AKR1B15: variants seen among roughly 807,000 people sequenced by gnomAD.
The protein encoded by AKR1B15 is estradiol 17-beta-dehydrogenase AKR1B15.
In AKR1B15, 49 loss-of-function variants were observed where a neutral mutation model predicts 38.5. That is an observed-to-expected ratio of 1.27 (90% confidence interval 1.01 to 1.62). AKR1B15 has a LOEUF of 1.62. Among genes scored for constraint, AKR1B15 ranks in the 40% most tolerant of loss-of-function variants. The pLI is 0.00. For missense variants in AKR1B15, 411 were observed against 381.6 expected (o/e 1.08, Z -0.64); for synonymous variants, 137 against 135.5 (o/e 1.01, Z -0.08).
intron 2 of AKR1B15, among the ~76,000 whole-genome samples, chr7:134,563,294 G>A (rs543133988): frequency 6.6e-6 from 1 of 152,288 alleles, no homozygotes; most frequent in South Asian, 2.1e-4. Flanking sequence ...GATGTGGCCA[G>A]GCACAGCTCA....
chr7:134,553,538 G>A (rs1794069920), intron 1 of AKR1B15, among the ~76,000 whole-genome samples: 1 of 152,220 alleles, frequency 6.6e-6, no homozygotes, highest in Non-Finnish European at 1.5e-5. Context: ...GCCAGGTCCA[G>A]GAGGCTGATA....
chr7:134,572,867 C>T (rs1794694847), intron 6 of AKR1B15, among the ~76,000 whole-genome samples: 1 of 152,128 alleles, frequency 6.6e-6, no homozygotes, highest in Non-Finnish European at 1.5e-5. Flanking sequence ...ATCATGTTAT[C>T]TTGGCAGCTG....
chr7:134,559,262 T>C (rs1198383450), intron 2 of AKR1B15, among the ~76,000 whole-genome samples: 1 of 152,178 alleles, frequency 6.6e-6, no homozygotes, highest in Non-Finnish European at 1.5e-5. Flanking sequence ...TAAGTGTCTA[T>C]GTCTATACCA....
chr7:134,556,120 A>C (rs1794187325), intron 1 of AKR1B15, among the ~76,000 whole-genome samples: 1 of 152,198 alleles, frequency 6.6e-6, no homozygotes, highest in Non-Finnish European at 1.5e-5. Flanking sequence ...CATCCAGAAA[A>C]AATTCCTGGT....
At chr7:134,573,374 A>G (rs1415249347) in intron 6 of AKR1B15, 22 of 985,256 alleles carry the variant, frequency 2.2e-5, no homozygotes, top group Non-Finnish European at 2.4e-5. Context: ...AGCTCCTATG[A>G]TGATATGAAG....
At chr7:134,573,018 C>T (rs574982062) in intron 6 of AKR1B15, among the ~76,000 whole-genome samples, 2 of 152,232 alleles carry the variant, frequency 1.3e-5, no homozygotes, top group South Asian at 4.1e-4. Flanking sequence ...TGTTCAAAAG[C>T]ATTAATCCAC....
rs552081594 is a variant in AKR1B15, at chr7:134,575,208, G to C, written c.514-212G>C. Among the ~76,000 whole-genome samples, 20 of 152,218 alleles carry C rather than the reference G, an allele frequency of 1.3e-4. No homozygotes were observed. In the South Asian group the frequency reaches 3.5e-3, roughly 27 times the overall value. On this transcript the variant is annotated intron_variant, in intron 6 of 11. Transcript: ENST00000457545. The stretch of plus-strand genomic sequence containing the variant: ...AAGAACATAAAATCTTTACCTGTTA[G>C]TTTTAGATTTTCTTGGGCTGGGGAG...
intron 11 of AKR1B15, among the ~76,000 whole-genome samples, chr7:134,578,821 G>A (rs1003949814): frequency 2.6e-5 from 4 of 152,112 alleles, no homozygotes; most frequent in African/African-American, 7.2e-5. Context: ...AGTTTCATCC[G>A]TGCTTAACAA....
At chr7:134,575,733 G>T in intron 7 of AKR1B15, 88 bp from the exon 8 acceptor site, 1 of 1,593,120 alleles carries the variant, frequency 6.3e-7, no homozygotes, top group Admixed American at 1.7e-5. Context: ...GCCTTTGCTT[G>T]GTGGACTTTT....
chr7:134,566,035 T>C (rs539798367), intron 3 of AKR1B15, among the ~76,000 whole-genome samples: 9 of 152,202 alleles, frequency 5.9e-5, no homozygotes, highest in Non-Finnish European at 1.3e-4. Flanking sequence ...GGCTCATGCC[T>C]GTAATCCCAG....
At chr7:134,549,328 C>T (rs1050916795) in intron 1 of AKR1B15, 79 bp downstream of exon 1, 1 of 152,348 alleles carries the variant, frequency 6.6e-6, no homozygotes, top group African/African-American at 2.4e-5. Context: ...GTCCATGCTC[C>T]AGGACACTGG....
chr7:134,569,843 C>T (rs1266524568), intron 5 of AKR1B15: 1 of 290,750 alleles, frequency 3.4e-6, no homozygotes, highest in South Asian at 3.8e-5. Context: ...TGAATGTCGC[C>T]TCAGGACCCT....
rs10260266 is a variant in AKR1B15, at chr7:134,568,262, A to G, written c.255A>G (p.Glu85=). The change falls in exon 4 of 12, where the codon GAA becomes GAG. Residue 85 remains glutamate (E), a synonymous_variant. Coordinates refer to ENST00000457545, the MANE Select transcript of AKR1B15 (RefSeq NM_001080538.3). ...ATGAGAATCAACATGAGGTGGGAGA[A>G]GCCATCCAAGAGAAGATCCAAGAGA... ...YFYENQHEVG[E]AIQEKIQEKA... 8,757 of 1,614,110 alleles carry G rather than the reference A, an allele frequency of 5.4e-3. 425 individuals are homozygous for G. In the African/African-American group the frequency reaches 0.1, roughly 19 times the overall value.
At chr7:134,566,959 A>G (rs1295556255) in intron 3 of AKR1B15, among the ~76,000 whole-genome samples, 1 of 152,196 alleles carries the variant, frequency 6.6e-6, no homozygotes, top group Non-Finnish European at 1.5e-5. Context: ...TCATAAGTTT[A>G]CTAGACAGTT....
At chr7:134,564,502 G>T in intron 2 of AKR1B15, 96 bp from the exon 3 acceptor site, 1 of 526,782 alleles carries the variant, frequency 1.9e-6, no homozygotes, top group Non-Finnish European at 3.3e-6. Flanking sequence ...GGGCGACATG[G>T]CTTCTCCCCT....
chr7:134,569,650 A>G (rs1343232947), intron 5 of AKR1B15, 121 bp downstream of exon 5: 1 of 1,008,460 alleles, frequency 9.9e-7, no homozygotes, highest in African/African-American at 1.6e-5. Flanking sequence ...GATTTCATGG[A>G]CATTTCTTAA....
In AKR1B15 at chr7:134,554,018, C is replaced by T. The variant is rs117524974; in HGVS notation, c.-146-2718C>T. Among the ~76,000 whole-genome samples the T allele has an allele frequency of 1.4e-3, 219 of 152,328 alleles. 3 individuals are homozygous for T. The highest frequency in any genetic ancestry group is 5.0e-3 in the African/African-American group (209 of 41,574). ...AGGGTAAAGACAAATGTATTAACAT[C>T]TACACTGACAGCAGGTATGCTTTTG... is the stretch of plus-strand genomic sequence containing the variant. On this transcript the variant is annotated intron_variant, in intron 1 of 11. Coordinates refer to ENST00000457545, the MANE Select transcript of AKR1B15 (RefSeq NM_001080538.3).
intron 2 of AKR1B15, among the ~76,000 whole-genome samples, chr7:134,562,897 T>C (rs866921557): frequency 2.1e-4 from 30 of 144,518 alleles, no homozygotes; most frequent in African/African-American, 7.9e-4. Flanking sequence ...TTTCCTTCTT[T>C]CTTCCTTCCT....
chr7:134,557,194 GA>G (rs1230969049), intron 2 of AKR1B15, among the ~76,000 whole-genome samples: 1 of 152,108 alleles, frequency 6.6e-6, no homozygotes, highest in Non-Finnish European at 1.5e-5. Flanking sequence ...GGGTTGGCGG[GA>G]CCCCCTTCTC....
Sources: gnomAD v4.1 joint callset for allele counts (sites outside exome capture counted in the v4.1 genomes callset) on GRCh38, gnomAD v4.1.1 for gene constraint, MANE v1.5 for transcripts, NCBI Gene and HGNC (gene_info 2026-07-23, HGNC 2026-07-21) for gene names.